The following ADAM32 variants were observed in gnomAD, a reference collection of about 807,000 sequenced individuals.
ADAM32 encodes disintegrin and metalloproteinase domain-containing protein 32.
Under a neutral mutation model 114.9 loss-of-function variants are expected in ADAM32, and 89 were observed. The observed-to-expected ratio is 0.77, with a 90% confidence interval of 0.65 to 0.92. The LOEUF (loss-of-function observed/expected upper bound fraction) is 0.92, where lower values mean the gene tolerates loss of function less well. Among genes scored for constraint, ADAM32 ranks in the 40% least tolerant of loss-of-function variants. ADAM32 has a pLI of 0.00. For missense variants in ADAM32, 870 were observed against 932.8 expected (o/e 0.93, Z 0.88); for synonymous variants, 285 against 307.5 (o/e 0.93, Z 0.77).
chr8:39,275,482 C>T (rs886374408), intron 21 of ADAM32, among the ~76,000 whole-genome samples: 7 of 152,158 alleles, frequency 4.6e-5, no homozygotes, highest in African/African-American at 1.7e-4. Flanking sequence ...TCACAACCTA[C>T]AGCAATGTAT....
chr8:39,266,382 A>C lies in ADAM32; in HGVS notation c.2163-4494A>C, dbSNP rs1419266481. ...TAAAAAATTATTTTTTCTTTTTTCT[A>C]GTCTGCCTGTGTTGTTTCAAAGAAA... is the stretch of plus-strand genomic sequence containing the variant. On this transcript the variant is annotated intron_variant, in intron 19 of 24. Coordinates refer to ENST00000379907, the MANE Select transcript of ADAM32 (RefSeq NM_145004.7). Among the ~76,000 whole-genome samples, 3 of 152,014 alleles carry C rather than the reference A, an allele frequency of 2.0e-5. No homozygotes were observed. The East Asian group carries it at 5.8e-4, about 29-fold the overall frequency.
At chr8:39,237,778 T>C (rs1194391249) in intron 16 of ADAM32, among the ~76,000 whole-genome samples, 1 of 152,216 alleles carries the variant, frequency 6.6e-6, no homozygotes, top group East Asian at 1.9e-4. Context: ...TGCCCTCATC[T>C]GATGGTCTTT....
rs567412717 is a variant in ADAM32 at position 39,257,315 on chromosome 8, G to A, written c.2134G>A (p.Ala712Thr). 61 of 1,613,090 alleles carry A rather than the reference G, an allele frequency of 3.8e-5. No homozygotes were observed. The highest frequency in any genetic ancestry group is 1.1e-4 in the East Asian group (5 of 44,842). The change falls in exon 19 of 25, where the codon GCC (alanine) becomes ACC (threonine). Residue 712 changes from alanine to threonine, a missense_variant. Coordinates refer to ENST00000379907, the MANE Select transcript of ADAM32 (RefSeq NM_145004.7). ...AAGGAAACAGTTGAAAAAGTGGTTC[G>A]CCAAGGAAGAGGAATTCCCAAGTAG... is the stretch of plus-strand genomic sequence containing the variant. ...LARKQLKKWF[A>T]KEEEFPSSES...
At chr8:39,153,090 G>A (rs899206573) in intron 6 of ADAM32, among the ~76,000 whole-genome samples, 1 of 152,168 alleles carries the variant, frequency 6.6e-6, no homozygotes, top group African/African-American at 2.4e-5. Flanking sequence ...ACAAATTTAT[G>A]TGAGAGAGAA....
intron 11 of ADAM32, among the ~76,000 whole-genome samples, chr8:39,210,386 A>T (rs545731555): frequency 1.3e-5 from 2 of 152,282 alleles, no homozygotes; most frequent in Non-Finnish European, 2.9e-5. Flanking sequence ...AGTTACTGTG[A>T]TCTTTTACCT....
intron 12 of ADAM32, among the ~76,000 whole-genome samples, chr8:39,214,509 C>T (rs984980404): frequency 7.9e-5 from 12 of 152,048 alleles, no homozygotes; most frequent in Non-Finnish European, 1.6e-4. Flanking sequence ...TCTATTCAGA[C>T]ATTTTGCCCA....
chr8:39,223,725 G>C (rs1332040713), intron 14 of ADAM32: 2 of 151,836 alleles, frequency 1.3e-5, no homozygotes, highest in African/African-American at 4.8e-5. Context: ...TCACATTGTT[G>C]TACATTACAT....
intron 17 of ADAM32, among the ~76,000 whole-genome samples, chr8:39,254,048 G>A (rs1415288132): frequency 6.6e-6 from 1 of 151,552 alleles, no homozygotes; most frequent in Non-Finnish European, 1.5e-5. Flanking sequence ...TAAAGCGATG[G>A]ATGAAAATAG....
At chr8:39,278,096 G>A (rs535843982) in intron 22 of ADAM32, among the ~76,000 whole-genome samples, 1 of 152,260 alleles carries the variant, frequency 6.6e-6, no homozygotes, top group South Asian at 2.1e-4. Context: ...AGCTGAAAAG[G>A]GGATGGGCAG....
intron 7 of ADAM32, among the ~76,000 whole-genome samples, chr8:39,163,793 T>C (rs553751603): frequency 2.2e-4 from 33 of 152,322 alleles, no homozygotes; most frequent in African/African-American, 6.5e-4. Flanking sequence ...GGAAGAGATT[T>C]TTGAAGGAAG....
At chr8:39,120,163 G>T (rs2129444395) in intron 2 of ADAM32, among the ~76,000 whole-genome samples, 1 of 152,208 alleles carries the variant, frequency 6.6e-6, no homozygotes, top group East Asian at 1.9e-4. Flanking sequence ...GTGGCATTTT[G>T]TTTGGGTAGC....
At chr8:39,179,579 T>G (rs1298429505) in intron 10 of ADAM32, among the ~76,000 whole-genome samples, 1 of 152,190 alleles carries the variant, frequency 6.6e-6, no homozygotes, top group Non-Finnish European at 1.5e-5. Context: ...CCTGGTGACA[T>G]GGGCTCATGA....
intron 1 of ADAM32, 54 bp downstream of exon 1, chr8:39,107,887 G>A (rs911715574): frequency 7.3e-5 from 108 of 1,476,776 alleles, no homozygotes; most frequent in Middle Eastern, 1.8e-4. Context: ...ACTGCGGCCC[G>A]ACTCCCTGCA....
rs1001292873 is a variant in ADAM32 at position 39,183,469 on chromosome 8, G to T, written c.916-3440G>T. 5.3e-5 allele frequency among the ~76,000 whole-genome samples: 8 copies of T among 149,778 alleles called. No homozygotes were observed. The Admixed American group carries it at 6.0e-4, about 11-fold the overall frequency. ...CCAGCCTGGGGCTATTCCCAATATA[G>T]TATATTCCCAATATAGTATAGTAAG... is the stretch of plus-strand genomic sequence containing the variant. On this transcript the variant is annotated intron_variant, in intron 10 of 24. Transcript: ENST00000379907.
intron 11 of ADAM32, among the ~76,000 whole-genome samples, chr8:39,195,259 C>G (rs1405850409): frequency 6.6e-6 from 1 of 152,188 alleles, no homozygotes; most frequent in South Asian, 2.1e-4. Context: ...CACCTTGCCA[C>G]CTCTCCCCTT....
At chr8:39,261,446 T>C (rs1011606115) in intron 19 of ADAM32, among the ~76,000 whole-genome samples, 17 of 152,234 alleles carry the variant, frequency 1.1e-4, no homozygotes, top group Non-Finnish European at 2.4e-4. Flanking sequence ...CCACATTTTC[T>C]TTATCCATTT....
intron 9 of ADAM32, chr8:39,165,849 T>G (rs1055885518): frequency 2.6e-5 from 4 of 152,134 alleles, no homozygotes; most frequent in Admixed American, 2.6e-4. Context: ...CTTTTAATTT[T>G]TGGTAGTCTG....
intron 11 of ADAM32, among the ~76,000 whole-genome samples, chr8:39,204,317 G>A (rs1040060623): frequency 6.6e-6 from 1 of 152,202 alleles, no homozygotes; most frequent in Non-Finnish European, 1.5e-5. Context: ...ATTTCTTGGA[G>A]ACTTTGTTCA....
Position 39,233,900 on chromosome 8 carries a change from A to G in ADAM32, c.1636A>G (p.Asn546Asp). ...CATATATATTTTTTATGTTTTCAGG[A>G]ATCTTATATGTGGAAGATTAGTTTG... ...NNKYVFCGWR[N>D]LICGRLVCTY... The change falls in exon 16 of 25, where the codon AAT (asparagine) becomes GAT (aspartate). Residue 546 changes from asparagine to aspartate, a missense_variant and splice_region_variant. By Grantham distance (23) the Asn-to-Asp change is conservative. Transcript: ENST00000379907. The G allele has an allele frequency of 1.3e-6, 2 of 1,503,082 alleles. No individual in the cohort carries two copies. Among genetic ancestry groups the G allele is most frequent in the Non-Finnish European group, 1.8e-6 (2 of 1,123,248 alleles). The allele number at this position is 1,503,082 out of a possible 1,614,324, so 93.1% of individuals were successfully genotyped here.
Sources: allele counts gnomAD v4.1 joint callset (sites outside exome capture counted in the v4.1 genomes callset), GRCh38; gene constraint gnomAD v4.1.1; transcripts MANE v1.5; gene names NCBI Gene and HGNC (gene_info 2026-07-23, HGNC 2026-07-21).